The following CADM2 variants were observed in gnomAD, a reference collection of about 807,000 sequenced individuals.
The protein encoded by CADM2 is immunoglobulin superfamily member 4D.
Under a neutral mutation model 49.8 loss-of-function variants are expected in CADM2, and 12 were observed. The ratio of observed to expected loss-of-function variants is 0.24; its 90% CI spans 0.15 to 0.39. The LOEUF (loss-of-function observed/expected upper bound fraction) is 0.39, where lower values mean the gene tolerates loss of function less well. Ranked by LOEUF, CADM2 falls within the 10% of genes least tolerant of loss-of-function variation. CADM2 has a pLI of 1.00. For missense variants in CADM2, 378 were observed against 492.3 expected (o/e 0.77, Z 2.20); for synonymous variants, 214 against 175.4 (o/e 1.22, Z -1.74).
intron 1 of CADM2, among the ~76,000 whole-genome samples, chr3:85,361,811 C>A (rs2032379695): frequency 6.6e-6 from 1 of 152,134 alleles, no homozygotes; most frequent in African/African-American, 2.4e-5. Flanking sequence ...GTAAGTGGAA[C>A]AAAGGGATAT....
chr3:85,316,766 G>A (rs1008058182), intron 1 of CADM2, among the ~76,000 whole-genome samples: 1 of 151,902 alleles, frequency 6.6e-6, no homozygotes, highest in African/African-American at 2.4e-5. Flanking sequence ...ACATATACTA[G>A]CTCCCAATCC....
chr3:85,099,527 T>A (rs1376465317), intron 1 of CADM2, among the ~76,000 whole-genome samples: 1 of 150,432 alleles, frequency 6.6e-6, no homozygotes, highest in Non-Finnish European at 1.5e-5. Context: ...TGGAGTGCAA[T>A]GGCAAAATCT....
chr3:85,495,834 C>G (rs963870460), intron 1 of CADM2, among the ~76,000 whole-genome samples: 1 of 152,022 alleles, frequency 6.6e-6, no homozygotes, highest in African/African-American at 2.4e-5. Flanking sequence ...AAAGACCGCA[C>G]AAGCCATTCA....
chr3:85,275,172 A>G (rs1234015029), intron 1 of CADM2, among the ~76,000 whole-genome samples: 1 of 151,546 alleles, frequency 6.6e-6, no homozygotes, highest in African/African-American at 2.4e-5. Flanking sequence ...TTAAGCAAGT[A>G]CCTTGCTGAA....
At chr3:85,553,472 T>G (rs1449163835) in intron 1 of CADM2, among the ~76,000 whole-genome samples, 1 of 152,190 alleles carries the variant, frequency 6.6e-6, no homozygotes, top group East Asian at 1.9e-4. Context: ...TTACTGTCAC[T>G]TGGAACAAAT....
At chr3:85,187,252 A>G (rs2041086757) in intron 1 of CADM2, among the ~76,000 whole-genome samples, 1 of 152,192 alleles carries the variant, frequency 6.6e-6, no homozygotes, top group South Asian at 2.1e-4. Context: ...ATATTCTATC[A>G]TGTCTATATT....
chr3:86,037,441 G>A lies in CADM2; in HGVS notation c.971-28164G>A, dbSNP rs549861175. Among the ~76,000 whole-genome samples the A allele has an allele frequency of 9.4e-5, 14 of 149,554 alleles. 1 individual carries two copies. The South Asian group carries it at 2.9e-3, about 31-fold the overall frequency. ...AGATGACAGCAGTGACTTTAAGAGAGGGGGGCAGGGCAAGCACTAAACTAT... is the reference window on the plus strand; with the variant it reads ...AGATGACAGCAGTGACTTTAAGAGAAGGGGGCAGGGCAAGCACTAAACTAT... On this transcript the variant is annotated intron_variant, in intron 8 of 9. Transcript: ENST00000383699.
At chr3:85,113,182 G>A (rs1006209712) in intron 1 of CADM2, among the ~76,000 whole-genome samples, 10 of 151,998 alleles carry the variant, frequency 6.6e-5, no homozygotes, top group Admixed American at 5.9e-4. Context: ...TGAATACTTT[G>A]TTACAGACAT....
At chr3:85,529,353 G>A (rs987878515) in intron 1 of CADM2, among the ~76,000 whole-genome samples, 1 of 152,168 alleles carries the variant, frequency 6.6e-6, no homozygotes, top group African/African-American at 2.4e-5. Context: ...AAATAATTAA[G>A]CAGTAGGTAA....
At chr3:85,181,477 T>C (rs1398752186) in intron 1 of CADM2, among the ~76,000 whole-genome samples, 2 of 152,086 alleles carry the variant, frequency 1.3e-5, no homozygotes. Flanking sequence ...TGAGATAAAG[T>C]CACTCTGGAA....
intron 1 of CADM2, among the ~76,000 whole-genome samples, chr3:85,354,324 A>T (rs1157491334): frequency 8.1e-6 from 1 of 124,222 alleles, no homozygotes; most frequent in Non-Finnish European, 1.6e-5. Flanking sequence ...GGACACAGGA[A>T]GGGGAACATC....
rs1023558662 is a variant in CADM2 at position 85,588,304 on chromosome 3, G to A, written c.62-138218G>A. ...TGTTTTAATTTTAGTAGAGATGTACGGTGGCTTGTGTGGTTAAGGATGTAG... is the reference window on the plus strand; with the variant it reads ...TGTTTTAATTTTAGTAGAGATGTACAGTGGCTTGTGTGGTTAAGGATGTAG... On this transcript the variant is annotated intron_variant, in intron 1 of 9. Transcript: ENST00000383699. Among the ~76,000 whole-genome samples the A allele has an allele frequency of 6.6e-5, 10 of 151,892 alleles. 1 individual carries two copies. Among genetic ancestry groups the A allele is most frequent in the African/African-American group, 1.2e-4 (5 of 41,360 alleles).
chr3:85,794,891 G>C (rs1157128544), intron 2 of CADM2, among the ~76,000 whole-genome samples: 3 of 151,936 alleles, frequency 2.0e-5, no homozygotes, highest in African/African-American at 7.3e-5. Flanking sequence ...GCACATAGTA[G>C]GTTCTCTATA....
At chr3:85,368,701 T>C (rs1355150206) in intron 1 of CADM2, among the ~76,000 whole-genome samples, 1 of 152,084 alleles carries the variant, frequency 6.6e-6, no homozygotes, top group Non-Finnish European at 1.5e-5. Flanking sequence ...TCTTCAGGCA[T>C]AATAATATAT....
chr3:85,249,781 A>G (rs974668232), intron 1 of CADM2, among the ~76,000 whole-genome samples: 9 of 151,932 alleles, frequency 5.9e-5, no homozygotes, highest in Admixed American at 1.3e-4. Context: ...CTCAATTGTT[A>G]TTCTCTAGAG....
At chr3:85,517,748 G>T (rs2060938297) in intron 1 of CADM2, among the ~76,000 whole-genome samples, 1 of 152,158 alleles carries the variant, frequency 6.6e-6, no homozygotes, top group African/African-American at 2.4e-5. Context: ...TATTTAGAAA[G>T]CAGCTTATTT....
intron 1 of CADM2, among the ~76,000 whole-genome samples, chr3:85,528,343 C>T (rs2061218734): frequency 1.3e-5 from 2 of 152,132 alleles, no homozygotes; most frequent in Admixed American, 1.3e-4. Context: ...CACATGCACA[C>T]GTGCACACAT....
intron 1 of CADM2, among the ~76,000 whole-genome samples, chr3:85,404,375 G>A (rs57803625): frequency 0.012 from 1,761 of 151,786 alleles, 38 homozygotes; most frequent in African/African-American, 0.04. Flanking sequence ...TTGATTTTCC[G>A]CATAAAAAAT....
At chr3:85,775,041 T>C (rs1281951531) in intron 2 of CADM2, among the ~76,000 whole-genome samples, 1 of 151,734 alleles carries the variant, frequency 6.6e-6, no homozygotes, top group Non-Finnish European at 1.5e-5. Context: ...ATCATGAAGA[T>C]AAGCCCTTTA....
Sources: allele counts gnomAD v4.1 joint callset (sites outside exome capture counted in the v4.1 genomes callset), GRCh38; gene constraint gnomAD v4.1.1; transcripts MANE v1.5; gene names NCBI Gene and HGNC (gene_info 2026-07-23, HGNC 2026-07-21).